The following TET3 variants were observed in gnomAD, a reference collection of about 807,000 sequenced individuals.
TET3 encodes the protein tet methylcytosine dioxygenase 3, also known as methylcytosine dioxygenase TET3.
In TET3, 19 loss-of-function variants were observed where a neutral mutation model predicts 141.4. The ratio of observed to expected loss-of-function variants is 0.13; its 90% CI spans 0.09 to 0.20. The LOEUF (loss-of-function observed/expected upper bound fraction) is 0.20. Among genes scored for constraint, TET3 ranks in the 10% least tolerant of loss-of-function variants. The pLI is 1.00. For synonymous variants in TET3, 1,043 were observed against 980.9 expected, an observed-to-expected ratio of 1.06 and a Z score of -1.18; for missense variants, 1,874 against 2,356.9, an observed-to-expected ratio of 0.80 and a Z score of 4.24.
the TET3 span, chr2:74,135,464 C>T: frequency 7.5e-7 from 1 of 1,330,126 alleles, no homozygotes; most frequent in African/African-American, 1.5e-5. Flanking sequence ...TATACATCTT[C>T]TATAATTATA....
chr2:74,062,964 A>G (rs888023214), intron 4 of TET3, among the ~76,000 whole-genome samples: 4 of 148,502 alleles, frequency 2.7e-5, no homozygotes, highest in Non-Finnish European at 5.9e-5. Context: ...TCTCATTGCA[A>G]CTTCCGCCTC....
intron 3 of TET3, among the ~76,000 whole-genome samples, chr2:74,014,370 C>T (rs1216064461): frequency 6.6e-6 from 1 of 151,996 alleles, no homozygotes; most frequent in Non-Finnish European, 1.5e-5. Context: ...CATGAGAATT[C>T]CGAGCCCCGA....
At chr2:74,002,724 G>A (rs1684924883) in intron 2 of TET3, 1 of 502,168 alleles carries the variant, frequency 2.0e-6, no homozygotes, top group Admixed American at 3.9e-5. Flanking sequence ...CTCCTCTGCA[G>A]TGCCTCCCTC....
chr2:74,046,207 T>G lies in TET3; in HGVS notation c.361-71T>G. 7.2e-7 allele frequency: 1 copy of G among 1,387,868 alleles called. No individual in the cohort carries two copies. Among genetic ancestry groups the G allele is most frequent in the South Asian group, 1.8e-5 (1 of 55,630 alleles). The allele number at this position is 1,387,868 out of a possible 1,614,324, so 86.0% of individuals were successfully genotyped here. ...GGGTCAGATGTGCACCTGAGTGGTATGAAGCAGGGAAATGCTTTTCAAATA... is the reference window on the plus strand; with the variant it reads ...GGGTCAGATGTGCACCTGAGTGGTAGGAAGCAGGGAAATGCTTTTCAAATA... On this transcript the variant is annotated intron_variant, in intron 3 of 11. Coordinates refer to ENST00000409262, the MANE Select transcript of TET3 (RefSeq NM_001287491.2). The surrounding 1 kb of genome is among the most constrained non-coding windows in gnomAD (Gnocchi z 4.3).
rs567029965 is a variant in TET3, at chr2:74,084,598, G to A, written c.2680-3232G>A. Among the ~76,000 whole-genome samples, 76 of 152,188 alleles carry A rather than the reference G, an allele frequency of 5.0e-4. 3 individuals are homozygous for A. In the South Asian group the frequency reaches 0.015, roughly 30 times the overall value. The stretch of plus-strand genomic sequence containing the variant: ...CTCCCAAGTAGCTGAGACTACAGGT[G>A]CCCACCACCACGCCCAGCTAATTTT... On this transcript the variant is annotated intron_variant, in intron 6 of 11. Coordinates refer to ENST00000409262, the MANE Select transcript of TET3 (RefSeq NM_001287491.2).
intron 4 of TET3, among the ~76,000 whole-genome samples, chr2:74,048,641 T>C (rs1005259763): frequency 6.6e-6 from 1 of 152,192 alleles, no homozygotes; most frequent in African/African-American, 2.4e-5. Context: ...GGTGCTTTAA[T>C]ACACAAATGG....
chr2:74,048,380 C>T lies in TET3; in HGVS notation c.2463C>T (p.Ala821=). ...TGCTGGACACACCTGCCAAGAGAGCCCAGGCCGAGTTCCCCACCTGCGATT... is the reference window on the plus strand; with the variant it reads ...TGCTGGACACACCTGCCAAGAGAGCTCAGGCCGAGTTCCCCACCTGCGATT... The part of the protein sequence containing the change: ...KSLLDTPAKR[A]QAEFPTCDCV... The change falls in exon 4 of 12, where the codon GCC becomes GCT. Residue 821 remains alanine (A), a synonymous_variant. Transcript: ENST00000409262. 6.2e-7 allele frequency: 1 copy of T among 1,611,642 alleles called. No homozygotes were observed. Among genetic ancestry groups the T allele is most frequent in the Non-Finnish European group, 8.5e-7 (1 of 1,178,726 alleles).
intron 4 of TET3, among the ~76,000 whole-genome samples, chr2:74,063,561 G>A (rs1201073862): frequency 6.6e-6 from 1 of 151,916 alleles, no homozygotes; most frequent in Non-Finnish European, 1.5e-5. Flanking sequence ...GTCACAGAAG[G>A]ACAAATGCTG....
intron 3 of TET3, among the ~76,000 whole-genome samples, chr2:74,022,430 G>A (rs1471167076): frequency 6.8e-6 from 1 of 146,208 alleles, no homozygotes; most frequent in Non-Finnish European, 1.5e-5. Context: ...TTTGTTTTTT[G>A]TTTTTTTGTT....
chr2:74,134,181 A>T, the TET3 span, among the ~76,000 whole-genome samples: 1 of 152,108 alleles, frequency 6.6e-6, no homozygotes, highest in East Asian at 1.9e-4. Flanking sequence ...GGCCTCTGGG[A>T]TTCCAAGCTT....
chr2:74,045,669 CTG>C (rs1225961140), intron 3 of TET3, among the ~76,000 whole-genome samples: 1 of 152,142 alleles, frequency 6.6e-6, no homozygotes, highest in African/African-American at 2.4e-5. Context: ...AGGCCTGGGG[CTG>C]TGTGTGGGAA....
At chr2:74,019,426 G>A (rs903604537) in intron 3 of TET3, among the ~76,000 whole-genome samples, 2 of 152,164 alleles carry the variant, frequency 1.3e-5, no homozygotes, top group African/African-American at 4.8e-5. Flanking sequence ...TAGAAATGCA[G>A]CTGCTCTGTG....
At chr2:74,089,788 G>A in intron 7 of TET3, 109 bp from the exon 8 acceptor site, 1 of 1,419,438 alleles carries the variant, frequency 7.0e-7, no homozygotes, top group South Asian at 1.3e-5. Context: ...CAGTCACTGG[G>A]AGGCTGGTGG....
At position 74,048,227 on chromosome 2, in the gene TET3, C is replaced by A. The variant is rs1482851665; in HGVS notation, c.2310C>A (p.Thr770=). 6.2e-7 allele frequency: 1 copy of A among 1,613,632 alleles called. No homozygotes were observed. The highest frequency in any genetic ancestry group is 2.2e-5 in the East Asian group (1 of 44,864). The change falls in exon 4 of 12, where the codon ACC becomes ACA. Residue 770 remains threonine (T), a synonymous_variant. Transcript: ENST00000409262. The part of the protein sequence containing the change: ...ESSGAVTVLS[T]TCFHSEEGGQ... Reference sequence around the variant, plus strand: ...CGGGGGCTGTGACTGTGCTCTCAACCACCTGCTTCCATTCAGAGGAGGGAG... The same window carrying A: ...CGGGGGCTGTGACTGTGCTCTCAACAACCTGCTTCCATTCAGAGGAGGGAG...
intron 6 of TET3, among the ~76,000 whole-genome samples, chr2:74,086,674 C>G (rs867929143): frequency 6.6e-6 from 1 of 151,274 alleles, no homozygotes; most frequent in Non-Finnish European, 1.5e-5. Context: ...TCTGTAGTCC[C>G]GGGTACTCAA....
chr2:74,088,850 G>A (rs1690312363), intron 7 of TET3, among the ~76,000 whole-genome samples: 1 of 152,174 alleles, frequency 6.6e-6, no homozygotes, highest in Admixed American at 6.5e-5. Context: ...GGAGGCCAAG[G>A]CGGGTGGATC....
intron 4 of TET3, among the ~76,000 whole-genome samples, chr2:74,062,248 G>A (rs867644810): frequency 6.6e-6 from 1 of 152,116 alleles, no homozygotes; most frequent in Non-Finnish European, 1.5e-5. Flanking sequence ...GCGAAACCCC[G>A]TCTCCACCAA....
the TET3 span, among the ~76,000 whole-genome samples, chr2:74,114,853 C>CAAAAAAA: frequency 0.01 from 455 of 43,834 alleles, 60 homozygotes; most frequent in African/African-American, 0.043. Flanking sequence ...GACTCTGTCT[C>CAAAAAAA]AAAAAAAAAA....
At chr2:74,125,498 A>G in the TET3 span, among the ~76,000 whole-genome samples, 2 of 152,216 alleles carry the variant, frequency 1.3e-5, no homozygotes, top group Admixed American at 1.3e-4. Context: ...TTACATGGAA[A>G]GCTGCTAACT....
Sources: gnomAD v4.1 joint callset for allele counts (sites outside exome capture counted in the v4.1 genomes callset) on GRCh38, gnomAD v4.1.1 for gene constraint, Gnocchi (gnomAD v3.1) non-coding constraint, MANE v1.5 for transcripts, NCBI Gene and HGNC (gene_info 2026-07-23, HGNC 2026-07-21) for gene names.